Variants in ADAMTS17 observed in about 807,000 individuals in gnomAD.
The protein encoded by ADAMTS17 is ADAM metallopeptidase with thrombospondin type 1 motif 17, also known as A disintegrin and metalloproteinase with thrombospondin motifs 17.
In ADAMTS17, 113 loss-of-function variants were observed where a neutral mutation model predicts 141.5. The observed-to-expected ratio is 0.80, with a 90% CI of 0.69 to 0.93. The LOEUF (loss-of-function observed/expected upper bound fraction) is 0.93. ADAMTS17 is among the 40% of genes least tolerant of loss of function. The probability of loss-of-function intolerance (pLI) is 0.00; values close to 1 mark genes in which losing one functional copy is unlikely to be tolerated. For missense variants in ADAMTS17, 1,659 were observed against 1,517.9 expected (o/e 1.09, Z -1.54); for synonymous variants, 768 against 630.6 (o/e 1.22, Z -3.27).
intron 7 of ADAMTS17, among the ~76,000 whole-genome samples, chr15:100,208,958 ATTTACC>A (rs1490041080): frequency 6.6e-6 from 1 of 152,108 alleles, no homozygotes; most frequent in Non-Finnish European, 1.5e-5. Context: ...GCCATTTCTA[ATTTACC>A]TTTACTGCCT....
At chr15:100,137,798 C>A (rs1457079821) in intron 10 of ADAMTS17, among the ~76,000 whole-genome samples, 5 of 152,186 alleles carry the variant, frequency 3.3e-5, no homozygotes. Context: ...GTTGCCAACA[C>A]CAACACCCAC....
At chr15:100,084,056 C>T (rs56708930) in intron 15 of ADAMTS17, among the ~76,000 whole-genome samples, 26,321 of 151,788 alleles carry the variant, frequency 0.17, 2,794 homozygotes, top group East Asian at 0.54. Flanking sequence ...TCACCTCACC[C>T]GGGAAGTGAA....
At position 100,046,276 on chromosome 15, in the gene ADAMTS17, G is replaced by C. The variant is rs148898769; in HGVS notation, c.2591+2581C>G. Among the ~76,000 whole-genome samples the C allele has an allele frequency of 2.6e-5, 4 of 152,224 alleles. No homozygotes were observed. In the South Asian group the frequency reaches 8.3e-4, roughly 32 times the overall value. ...CTGGTCCAATATAAGCTACTCTATC[G>C]TTACAGGAAGCAGAATCCTTTATTT... On this transcript the variant is annotated intron_variant, in intron 18 of 21. Transcript: ENST00000268070.
At chr15:100,103,554 A>C (rs2036245251) in intron 14 of ADAMTS17, among the ~76,000 whole-genome samples, 1 of 147,878 alleles carries the variant, frequency 6.8e-6, no homozygotes, top group African/African-American at 2.5e-5. Flanking sequence ...AAGAACACAT[A>C]ATCCATCCAT....
chr15:100,270,092 G>A (rs1400899862), intron 4 of ADAMTS17, among the ~76,000 whole-genome samples: 1 of 152,132 alleles, frequency 6.6e-6, no homozygotes, highest in Non-Finnish European at 1.5e-5. Context: ...CGGCCAAGGT[G>A]GATCTGCTCT....
At chr15:100,145,898 T>C (rs1055804890) in intron 10 of ADAMTS17, among the ~76,000 whole-genome samples, 4 of 152,188 alleles carry the variant, frequency 2.6e-5, no homozygotes, top group Admixed American at 6.5e-5. Flanking sequence ...CCAGGCCGGG[T>C]ACAGTGGCTC....
At position 100,073,254 on chromosome 15, in the gene ADAMTS17, C is replaced by G. The variant is rs568632399; in HGVS notation, c.2138-19200G>C. ...GTTAGAATGGCAATCATTAAAAAGT[C>G]AGGAAACAACAGGTGCTGGAGAGGA... On this transcript the variant is annotated intron_variant, in intron 15 of 21. Coordinates refer to ENST00000268070, the MANE Select transcript of ADAMTS17 (RefSeq NM_139057.4). Among the ~76,000 whole-genome samples, 767 of 152,210 alleles carry G rather than the reference C, an allele frequency of 5.0e-3. 6 individuals are homozygous for G. Among genetic ancestry groups the G allele is most frequent in the African/African-American group, 0.018 (734 of 41,532 alleles).
chr15:100,235,907 G>T (rs544906608), intron 7 of ADAMTS17, among the ~76,000 whole-genome samples: 95 of 152,272 alleles, frequency 6.2e-4, no homozygotes, highest in Non-Finnish European at 1.1e-3. Flanking sequence ...GCAGAGCTGG[G>T]ATCTGAACCA....
intron 4 of ADAMTS17, 115 bp from the exon 5 acceptor site, chr15:100,262,550 T>C (rs767523148): frequency 1.5e-5 from 12 of 776,190 alleles, no homozygotes; most frequent in African/African-American, 1.1e-4. Context: ...AATAAGGAAA[T>C]AGAAATAAAG....
At chr15:100,337,831 C>T (rs1484151257) in intron 2 of ADAMTS17, among the ~76,000 whole-genome samples, 6 of 152,252 alleles carry the variant, frequency 3.9e-5, no homozygotes, top group Non-Finnish European at 4.4e-5. Context: ...GACGCTCATG[C>T]TGTTCTTGAA....
At chr15:100,278,332 A>C (rs1445170829) in intron 4 of ADAMTS17, among the ~76,000 whole-genome samples, 1 of 151,888 alleles carries the variant, frequency 6.6e-6, no homozygotes, top group Non-Finnish European at 1.5e-5. Context: ...TACCACAAAA[A>C]AAAAAAAAAA....
Position 99,972,208 on chromosome 15 carries a change from G to C in ADAMTS17, c.*2194C>G, listed in dbSNP as rs985094923. ...GGAGCTTTCAATGAGCTGAGATCGC[G>C]CCACTGCACTCCAGCCTGGGCAACA... On this transcript the variant is annotated 3_prime_UTR_variant, in exon 22 of 22. Coordinates refer to ENST00000268070, the MANE Select transcript of ADAMTS17 (RefSeq NM_139057.4). 1.3e-5 allele frequency: 2 copies of C among 152,182 alleles called. No individual in the cohort carries two copies. The highest frequency in any genetic ancestry group is 2.9e-5 in the Non-Finnish European group (2 of 68,088). 9.4% of individuals were successfully genotyped at this position (152,182 alleles called of 1,614,324 possible).
chr15:100,298,065 T>A (rs1282992070), intron 3 of ADAMTS17, among the ~76,000 whole-genome samples: 1 of 151,656 alleles, frequency 6.6e-6, no homozygotes. Flanking sequence ...AGAGTGCTCG[T>A]GGGGACAGAT....
intron 4 of ADAMTS17, among the ~76,000 whole-genome samples, chr15:100,264,514 T>C (rs571011533): frequency 4.1e-4 from 62 of 152,190 alleles, no homozygotes; most frequent in Non-Finnish European, 6.3e-4. Context: ...ACCAGAAACA[T>C]TAAGGAATAC....
intron 20 of ADAMTS17, chr15:99,978,841 A>G (rs2060422288): frequency 6.6e-6 from 1 of 152,240 alleles, no homozygotes; most frequent in Non-Finnish European, 1.5e-5. Flanking sequence ...CCCAGAGCTC[A>G]GTGTTTATAA....
At chr15:100,155,137 A>T (rs369387906) in intron 9 of ADAMTS17, 43 bp downstream of exon 9, 1 of 1,613,982 alleles carries the variant, frequency 6.2e-7, no homozygotes, top group Non-Finnish European at 8.5e-7. Context: ...TTTTGGAAGT[A>T]CTTTTGATTG....
chr15:100,167,579 A>T (rs2039999092), intron 8 of ADAMTS17, among the ~76,000 whole-genome samples: 1 of 152,156 alleles, frequency 6.6e-6, no homozygotes, highest in South Asian at 2.1e-4. Context: ...CAGTGACAGG[A>T]TGCTGGAGAG....
chr15:100,038,298 C>T (rs1039773255), intron 18 of ADAMTS17, among the ~76,000 whole-genome samples: 1 of 152,178 alleles, frequency 6.6e-6, no homozygotes, highest in Non-Finnish European at 1.5e-5. Context: ...AATTGGGAAG[C>T]ATGAGGACTC....
chr15:100,153,113 C>T (rs2141359093), intron 9 of ADAMTS17, among the ~76,000 whole-genome samples: 1 of 152,302 alleles, frequency 6.6e-6, no homozygotes, highest in Non-Finnish European at 1.5e-5. Flanking sequence ...TAGACTATGG[C>T]TTTGAGCAAA....
Sources: allele counts gnomAD v4.1 joint callset (sites outside exome capture counted in the v4.1 genomes callset), GRCh38; gene constraint gnomAD v4.1.1; transcripts MANE v1.5; gene names NCBI Gene and HGNC (gene_info 2026-07-23, HGNC 2026-07-21).